The following FHIP1A variants were observed in gnomAD, a reference collection of about 807,000 sequenced individuals.
FHIP1A encodes the protein FHF complex subunit HOOK-interacting protein 1A.
Under a neutral mutation model 88.6 loss-of-function variants are expected in FHIP1A, and 61 were observed. That is an observed-to-expected ratio of 0.69 (90% CI 0.56 to 0.85). The LOEUF is 0.85. Ranked by LOEUF, FHIP1A falls within the 40% of genes least tolerant of loss-of-function variation. FHIP1A has a pLI of 0.00. For missense variants in FHIP1A, 1,154 were observed against 1,273.5 expected (o/e 0.91, Z 1.43); for synonymous variants, 478 against 496.0 (o/e 0.96, Z 0.48).
intron 7 of FHIP1A, among the ~76,000 whole-genome samples, chr4:151,611,171 T>C (rs954393038): frequency 2.6e-5 from 4 of 152,092 alleles, no homozygotes; most frequent in Admixed American, 6.6e-5. Flanking sequence ...GATGTTTAGC[T>C]AGCATTGTGA....
intron 7 of FHIP1A, among the ~76,000 whole-genome samples, chr4:151,623,771 G>A (rs905798340): frequency 9.2e-5 from 14 of 152,144 alleles, no homozygotes; most frequent in Non-Finnish European, 2.1e-4. Context: ...TCTAGTTTGT[G>A]TAGCTCCAAA....
intron 8 of FHIP1A, among the ~76,000 whole-genome samples, chr4:151,630,785 A>C (rs1477279472): frequency 6.6e-6 from 1 of 152,248 alleles, no homozygotes; most frequent in Non-Finnish European, 1.5e-5. Context: ...AGTGAATTTA[A>C]GAGGATTGAA....
intron 7 of FHIP1A, among the ~76,000 whole-genome samples, chr4:151,614,717 C>T (rs945202034): frequency 6.6e-6 from 1 of 152,022 alleles, no homozygotes; most frequent in Non-Finnish European, 1.5e-5. Context: ...CTGTATATGA[C>T]CCAGGTTTGA....
rs188199069 is a variant in FHIP1A at position 151,471,655 on chromosome 4, G to A, written c.-247-10869G>A. Among the ~76,000 whole-genome samples the A allele has an allele frequency of 4.4e-3, 674 of 152,008 alleles. 3 individuals are homozygous for A. Among genetic ancestry groups the A allele is most frequent in the Non-Finnish European group, 6.4e-3 (435 of 67,960 alleles). On this transcript the variant is annotated intron_variant, in intron 2 of 13. Transcript: ENST00000435205. ...TCCATACGTTATTGGGGATCAGGTGGTGTTTGGTTACATGAGTAAGTTCTT... is the reference window on the plus strand; with the variant it reads ...TCCATACGTTATTGGGGATCAGGTGATGTTTGGTTACATGAGTAAGTTCTT...
chr4:151,629,658 A>C, intron 7 of FHIP1A, 44 bp from the exon 8 acceptor site: 2 of 1,536,686 alleles, frequency 1.3e-6, no homozygotes, highest in Non-Finnish European at 1.8e-6. Flanking sequence ...GTATCACAGC[A>C]TCAAAAGGAT....
intron 3 of FHIP1A, among the ~76,000 whole-genome samples, chr4:151,564,267 A>G (rs1343589566): frequency 2.0e-5 from 3 of 152,220 alleles, no homozygotes; most frequent in Non-Finnish European, 2.9e-5. Flanking sequence ...GATCTCTGGG[A>G]TAACACAAAA....
intron 4 of FHIP1A, among the ~76,000 whole-genome samples, chr4:151,569,402 A>G (rs1366315258): frequency 6.6e-6 from 1 of 152,208 alleles, no homozygotes; most frequent in Admixed American, 6.5e-5. Flanking sequence ...AAATACAAAA[A>G]TTAGCCAGGC....
chr4:151,473,699 G>A (rs1188160224), intron 2 of FHIP1A, among the ~76,000 whole-genome samples: 1 of 152,160 alleles, frequency 6.6e-6, no homozygotes, highest in Non-Finnish European at 1.5e-5. Flanking sequence ...CCTGACAGCT[G>A]AGAAAGTCAA....
intron 3 of FHIP1A, among the ~76,000 whole-genome samples, chr4:151,542,600 T>C (rs1356185997): frequency 1.3e-5 from 2 of 152,200 alleles, no homozygotes; most frequent in African/African-American, 2.4e-5. Flanking sequence ...TCTTTTGTCC[T>C]ACAATAACTA....
At chr4:151,651,208 TG>T (rs1283868703) in intron 11 of FHIP1A, among the ~76,000 whole-genome samples, 1 of 151,700 alleles carries the variant, frequency 6.6e-6, no homozygotes, top group Non-Finnish European at 1.5e-5. Flanking sequence ...TTTGAAAGAG[TG>T]GGTATATTCA....
intron 1 of FHIP1A, among the ~76,000 whole-genome samples, chr4:151,446,818 GAGGCTGGCTCTGCT>G (rs1354804021): frequency 6.6e-6 from 1 of 152,098 alleles, no homozygotes; most frequent in Non-Finnish European, 1.5e-5. Context: ...TGGTGCTTGT[GAGGCTGGCTCTGCT>G]GATAGATAGC....
intron 3 of FHIP1A, among the ~76,000 whole-genome samples, chr4:151,562,417 C>G (rs1733208552): frequency 6.6e-6 from 1 of 152,162 alleles, no homozygotes; most frequent in Admixed American, 6.6e-5. Context: ...CTTGATCTCA[C>G]CTTTCTTCTG....
intron 3 of FHIP1A, among the ~76,000 whole-genome samples, chr4:151,503,629 A>C (rs1233393534): frequency 3.9e-5 from 6 of 152,148 alleles, no homozygotes; most frequent in South Asian, 4.2e-4. Flanking sequence ...ATTAAAAAAA[A>C]CCCAACTCAT....
chr4:151,540,179 A>G (rs950455828), intron 3 of FHIP1A, among the ~76,000 whole-genome samples: 1 of 152,214 alleles, frequency 6.6e-6, no homozygotes, highest in Non-Finnish European at 1.5e-5. Flanking sequence ...GTCATTTTTT[A>G]AAATGATTAT....
intron 4 of FHIP1A, among the ~76,000 whole-genome samples, chr4:151,567,542 A>G (rs963459548): frequency 9.9e-5 from 15 of 152,138 alleles, no homozygotes; most frequent in African/African-American, 3.6e-4. Flanking sequence ...AAGGGAAGAA[A>G]GTAATTTAGG....
At chr4:151,579,746 C>A (rs1056775424) in intron 5 of FHIP1A, among the ~76,000 whole-genome samples, 2 of 152,050 alleles carry the variant, frequency 1.3e-5, no homozygotes, top group Non-Finnish European at 2.9e-5. Context: ...ATGAGACATT[C>A]CTGCAAATTA....
At chr4:151,620,186 C>T (rs1735684713) in intron 7 of FHIP1A, among the ~76,000 whole-genome samples, 1 of 152,216 alleles carries the variant, frequency 6.6e-6, no homozygotes. Flanking sequence ...GGCAGGTTGT[C>T]TACTGCACAA....
At chr4:151,520,356 T>G (rs1438741891) in intron 3 of FHIP1A, among the ~76,000 whole-genome samples, 1 of 152,094 alleles carries the variant, frequency 6.6e-6, no homozygotes, top group African/African-American at 2.4e-5. Context: ...TTATTGAAAA[T>G]CCTGATTGTG....
chr4:151,588,079 G>C (rs1734286708), intron 6 of FHIP1A, among the ~76,000 whole-genome samples: 1 of 151,838 alleles, frequency 6.6e-6, no homozygotes, highest in South Asian at 2.1e-4. Context: ...AATGGGCATG[G>C]TAAGAACAGG....
Sources: gnomAD v4.1 joint callset for allele counts (sites outside exome capture counted in the v4.1 genomes callset) on GRCh38, gnomAD v4.1.1 for gene constraint, MANE v1.5 for transcripts, NCBI Gene and HGNC (gene_info 2026-07-23, HGNC 2026-07-21) for gene names.